PLCB4: variants seen among roughly 807,000 people sequenced by gnomAD.
PLCB4 encodes 1-phosphatidylinositol 4,5-bisphosphate phosphodiesterase beta-4.
Under a neutral mutation model 178.8 loss-of-function variants are expected in PLCB4, and 77 were observed. The ratio of observed to expected loss-of-function variants is 0.43; its 90% CI spans 0.36 to 0.52. The LOEUF (loss-of-function observed/expected upper bound fraction) is 0.52. Ranked by LOEUF, PLCB4 falls within the 20% of genes least tolerant of loss-of-function variation. The pLI is 0.00. For synonymous variants in PLCB4, 496 were observed against 490.8 expected (o/e 1.01, Z -0.14); for missense variants, 1,024 against 1,453.4 (o/e 0.70, Z 4.80).
intron 19 of PLCB4, among the ~76,000 whole-genome samples, chr20:9,399,551 G>C (rs1415600459): frequency 6.6e-6 from 1 of 152,260 alleles, no homozygotes; most frequent in Non-Finnish European, 1.5e-5. Flanking sequence ...GTGAAAGCAG[G>C]TGCCCAGGCA....
At chr20:9,451,713 G>A (rs2042783280) in intron 32 of PLCB4, among the ~76,000 whole-genome samples, 1 of 152,166 alleles carries the variant, frequency 6.6e-6, no homozygotes, top group Non-Finnish European at 1.5e-5. Context: ...CATGGGTATT[G>A]AATAGTATAG....
rs140144702 is a variant in PLCB4, at chr20:9,297,456, A to G, written c.-15-10344A>G. On this transcript the variant is annotated intron_variant, in intron 3 of 39. Coordinates refer to ENST00000378473, the MANE Select transcript of PLCB4 (RefSeq NM_001377142.1). ...GTGATGGGTGCACAAAATCTCAGTA[A>G]TCACCACTAAATAACTTATTCAGGT... Among the ~76,000 whole-genome samples, 1,197 of 152,172 alleles carry G rather than the reference A, an allele frequency of 7.9e-3. 17 individuals are homozygous for G. Among genetic ancestry groups the G allele is most frequent in the African/African-American group, 0.028 (1,151 of 41,534 alleles).
chr20:9,204,892 G>C (rs1295880493), intron 2 of PLCB4, among the ~76,000 whole-genome samples: 1 of 151,082 alleles, frequency 6.6e-6, no homozygotes, highest in Non-Finnish European at 1.5e-5. Context: ...GGATTCCAAA[G>C]ACTCAGAATG....
intron 3 of PLCB4, among the ~76,000 whole-genome samples, chr20:9,277,257 G>A (rs1380849459): frequency 1.3e-5 from 2 of 152,128 alleles, no homozygotes; most frequent in East Asian, 3.9e-4. Flanking sequence ...TTGAAAGACC[G>A]CTCAGCCCAT....
At chr20:9,166,608 C>T (rs2092977013) in intron 2 of PLCB4, 1 of 152,196 alleles carries the variant, frequency 6.6e-6, no homozygotes, top group Admixed American at 6.6e-5. Flanking sequence ...CCTGTGACTG[C>T]CTCTGAAGTT....
intron 2 of PLCB4, among the ~76,000 whole-genome samples, chr20:9,144,447 G>GA: frequency 6.6e-6 from 1 of 151,710 alleles, no homozygotes; most frequent in East Asian, 1.9e-4. Context: ...ACAATCCATA[G>GA]AAAATTGTTT....
intron 38 of PLCB4, among the ~76,000 whole-genome samples, chr20:9,475,544 T>G (rs1161956963): frequency 2.0e-5 from 3 of 152,090 alleles, no homozygotes; most frequent in African/African-American, 7.2e-5. Flanking sequence ...GCATAGAACA[T>G]GAAAAGGCTT....
At chr20:9,092,482 T>A (rs956143422) in intron 1 of PLCB4, among the ~76,000 whole-genome samples, 2 of 152,172 alleles carry the variant, frequency 1.3e-5, no homozygotes, top group African/African-American at 4.8e-5. Context: ...ATGTATCTGT[T>A]ACTGAGCAGT....
intron 3 of PLCB4, among the ~76,000 whole-genome samples, chr20:9,304,160 G>A (rs1341709841): frequency 1.4e-5 from 2 of 146,388 alleles, no homozygotes; most frequent in African/African-American, 5.0e-5. Context: ...GGTTTGTAAT[G>A]CTCTCATCTT....
intron 2 of PLCB4, among the ~76,000 whole-genome samples, chr20:9,204,623 A>G (rs375326337): frequency 2.3e-4 from 35 of 152,062 alleles, no homozygotes; most frequent in African/African-American, 7.2e-4. Flanking sequence ...TCAGCCTCCC[A>G]AAGTGCTGGG....
chr20:9,401,212 G>A (rs2038999421), intron 19 of PLCB4, among the ~76,000 whole-genome samples: 1 of 152,088 alleles, frequency 6.6e-6, no homozygotes, highest in South Asian at 2.1e-4. Flanking sequence ...AATAGAAGTA[G>A]CCATCCACTT....
At chr20:9,467,131 G>T (rs1403336277) in intron 35 of PLCB4, among the ~76,000 whole-genome samples, 1 of 152,168 alleles carries the variant, frequency 6.6e-6, no homozygotes, top group Non-Finnish European at 1.5e-5. Flanking sequence ...CCTTTGCAGA[G>T]ACATGGATGA....
chr20:9,281,368 A>C (rs1232741001), intron 3 of PLCB4, among the ~76,000 whole-genome samples: 1 of 152,050 alleles, frequency 6.6e-6, no homozygotes, highest in Non-Finnish European at 1.5e-5. Flanking sequence ...GTTAATTAGC[A>C]AGTGATATTA....
At chr20:9,131,548 C>G (rs1476099784) in intron 2 of PLCB4, among the ~76,000 whole-genome samples, 1 of 152,100 alleles carries the variant, frequency 6.6e-6, no homozygotes, top group African/African-American at 2.4e-5. Flanking sequence ...AAGGGACTAA[C>G]GTGTATGGTG....
At chr20:9,336,984 A>G in intron 4 of PLCB4, 142 bp from the exon 5 acceptor site, 1 of 607,234 alleles carries the variant, frequency 1.6e-6, no homozygotes, top group South Asian at 2.1e-5. Flanking sequence ...CAAAATGAAA[A>G]CATTCCATAA....
chr20:9,173,913 G>A (rs184286897), intron 2 of PLCB4, among the ~76,000 whole-genome samples: 1 of 152,252 alleles, frequency 6.6e-6, no homozygotes, highest in Admixed American at 6.5e-5. Flanking sequence ...CCTCTACAGT[G>A]CTGAGGAACT....
chr20:9,444,312 T>G, intron 32 of PLCB4, 69 bp downstream of exon 32: 1 of 888,714 alleles, frequency 1.1e-6, no homozygotes, highest in Non-Finnish European at 1.8e-6. Context: ...AAACACTACT[T>G]TGAAGCTGAT....
At chr20:9,304,393 G>A (rs964499304) in intron 3 of PLCB4, among the ~76,000 whole-genome samples, 7 of 151,608 alleles carry the variant, frequency 4.6e-5, no homozygotes, top group South Asian at 2.1e-4. Flanking sequence ...AATCGTGATC[G>A]GATTTTGAGA....
Position 9,385,487 on chromosome 20 carries a change from G to T in PLCB4, c.1064+1076G>T, listed in dbSNP as rs1010176671. Among the ~76,000 whole-genome samples, 19 of 145,276 alleles carry T rather than the reference G, an allele frequency of 1.3e-4. No individual in the cohort carries two copies. The South Asian group carries it at 4.1e-3, about 31-fold the overall frequency. On this transcript the variant is annotated intron_variant, in intron 14 of 39. Coordinates refer to ENST00000378473, the MANE Select transcript of PLCB4 (RefSeq NM_001377142.1). ...GATGGGGTGGCGGCTGGGCAGAGGC[G>T]CTCCTCACTTCCCAGTCGTGGCGGC...
Sources: allele counts gnomAD v4.1 joint callset (sites outside exome capture counted in the v4.1 genomes callset), GRCh38; gene constraint gnomAD v4.1.1; transcripts MANE v1.5; gene names NCBI Gene and HGNC (gene_info 2026-07-23, HGNC 2026-07-21).